Variants in SYTL2 observed in about 807,000 individuals in gnomAD.
The protein encoded by SYTL2 is synaptotagmin-like protein 2.
SYTL2 carries 165 observed loss-of-function variants against 198.7 expected under a neutral mutation model. The ratio of observed to expected loss-of-function variants is 0.83; its 90% CI spans 0.73 to 0.94. SYTL2 has a LOEUF of 0.94. Ranked by LOEUF, SYTL2 falls within the 40% of genes least tolerant of loss-of-function variation. The probability of loss-of-function intolerance (pLI) is 0.00; values close to 1 mark genes in which losing one functional copy is unlikely to be tolerated. For synonymous variants in SYTL2, 966 were observed against 917.7 expected, an observed-to-expected ratio of 1.05 and a Z score of -0.95; for missense variants, 2,835 against 2,582.8, an observed-to-expected ratio of 1.10 and a Z score of -2.12.
In SYTL2 at chr11:85,695,139, A is replaced by G. The variant is rs1223588898; in HGVS notation, c.*56T>C. 1 of 1,544,544 alleles carries G rather than the reference A, an allele frequency of 6.5e-7. No homozygotes were observed. The highest frequency in any genetic ancestry group is 8.8e-7 in the Non-Finnish European group (1 of 1,138,156). ...ATTTGTCCACCTACTCAGATTTTCAAGATCAGATTCCACCGGTTTAGTAGT... is the reference window on the plus strand; with the variant it reads ...ATTTGTCCACCTACTCAGATTTTCAGGATCAGATTCCACCGGTTTAGTAGT... On this transcript the variant is annotated 3_prime_UTR_variant, in exon 20 of 20. Coordinates refer to ENST00000359152, the MANE Select transcript of SYTL2 (RefSeq NM_206927.4).
chr11:85,826,841 C>A, the SYTL2 span, among the ~76,000 whole-genome samples: 1 of 152,222 alleles, frequency 6.6e-6, no homozygotes, highest in Non-Finnish European at 1.5e-5. Context: ...AAGGTCTTCT[C>A]TCCTGCTGAC....
At chr11:85,702,052 A>G (rs2153382046) in intron 16 of SYTL2, among the ~76,000 whole-genome samples, 1 of 152,270 alleles carries the variant, frequency 6.6e-6, no homozygotes, top group South Asian at 2.1e-4. Context: ...TCAAGAAGGA[A>G]TGGCACTGGA....
In SYTL2 at chr11:85,765,914, C is replaced by T. The variant is rs375206300; in HGVS notation, c.-389-7800G>A. On this transcript the variant is annotated intron_variant, in intron 1 of 19. Coordinates refer to ENST00000359152, the MANE Select transcript of SYTL2 (RefSeq NM_206927.4). Reference sequence around the variant, plus strand: ...ATATGTTAACCAAGCCCCAACCAAGCGCAAGATAATGGGCTATGTGAGGAG... The same window carrying T: ...ATATGTTAACCAAGCCCCAACCAAGTGCAAGATAATGGGCTATGTGAGGAG... Among the ~76,000 whole-genome samples, 167 of 152,226 alleles carry T rather than the reference C, an allele frequency of 1.1e-3. 1 individual carries two copies. The highest frequency in any genetic ancestry group is 0.011 in the South Asian group (51 of 4,820).
At chr11:85,809,481 T>A (rs1314949467) in intron 1 of SYTL2, among the ~76,000 whole-genome samples, 1 of 152,194 alleles carries the variant, frequency 6.6e-6, no homozygotes, top group African/African-American at 2.4e-5. Context: ...AACACAATGT[T>A]AGACATTTTT....
At chr11:85,705,105 ATTCATCTG>A in intron 15 of SYTL2, 77 bp from the exon 16 acceptor site, 1 of 1,139,866 alleles carries the variant, frequency 8.8e-7, no homozygotes, top group Non-Finnish European at 1.3e-6. Flanking sequence ...ATGAAGAGAA[ATTCATCTG>A]TATATAGCAA....
chr11:85,841,044 C>T, the SYTL2 span, among the ~76,000 whole-genome samples: 1 of 152,040 alleles, frequency 6.6e-6, no homozygotes, highest in Non-Finnish European at 1.5e-5. Flanking sequence ...AGACACTTCT[C>T]AAAAGAAGAC....
At chr11:85,851,203 A>G in the SYTL2 span, among the ~76,000 whole-genome samples, 3 of 152,208 alleles carry the variant, frequency 2.0e-5, no homozygotes, top group African/African-American at 4.8e-5. Flanking sequence ...ATTTTAGTTC[A>G]TGATTATTTA....
chr11:85,764,782 G>C (rs1474244947), intron 1 of SYTL2, among the ~76,000 whole-genome samples: 1 of 152,072 alleles, frequency 6.6e-6, no homozygotes, highest in Non-Finnish European at 1.5e-5. Context: ...AGATAGAGGG[G>C]AAAAAAGGCA....
intron 1 of SYTL2, among the ~76,000 whole-genome samples, chr11:85,764,060 C>T (rs2092172162): frequency 6.6e-6 from 1 of 152,256 alleles, no homozygotes; most frequent in African/African-American, 2.4e-5. Context: ...GGCTGCTCCG[C>T]TTCTCAGGCT....
At chr11:85,843,973 T>C in the SYTL2 span, among the ~76,000 whole-genome samples, 1 of 152,198 alleles carries the variant, frequency 6.6e-6, no homozygotes, top group African/African-American at 2.4e-5. Context: ...ACAGAAAGTA[T>C]ATCTCTCAGT....
intron 1 of SYTL2, among the ~76,000 whole-genome samples, chr11:85,793,313 T>C (rs1370225840): frequency 6.6e-6 from 1 of 152,164 alleles, no homozygotes; most frequent in African/African-American, 2.4e-5. Flanking sequence ...TTTTTAATGA[T>C]TGCCATTCTA....
chr11:85,796,327 A>T (rs1196850030), intron 1 of SYTL2, among the ~76,000 whole-genome samples: 2 of 152,362 alleles, frequency 1.3e-5, no homozygotes, highest in South Asian at 2.1e-4. Context: ...TATCTGACAC[A>T]CCATAGAAAC....
chr11:85,720,980 T>G, intron 8 of SYTL2, 21 bp from the exon 9 acceptor site: 1 of 1,484,794 alleles, frequency 6.7e-7, no homozygotes, highest in Non-Finnish European at 9.4e-7. Context: ...ACAAAATCGA[T>G]GAACACTGCA....
intron 1 of SYTL2, among the ~76,000 whole-genome samples, chr11:85,768,240 A>G (rs2092285881): frequency 1.3e-5 from 2 of 152,212 alleles, no homozygotes; most frequent in Admixed American, 1.3e-4. Flanking sequence ...CTCTAAAGAG[A>G]CACTGATTTT....
intron 4 of SYTL2, among the ~76,000 whole-genome samples, chr11:85,744,755 A>C (rs532553797): frequency 6.6e-6 from 1 of 152,338 alleles, no homozygotes; most frequent in African/African-American, 2.4e-5. Context: ...CTCTGAATTG[A>C]ACTAACTTAA....
At chr11:85,793,027 A>G (rs1031834061) in intron 1 of SYTL2, among the ~76,000 whole-genome samples, 2 of 151,958 alleles carry the variant, frequency 1.3e-5, no homozygotes, top group African/African-American at 4.8e-5. Context: ...CCAGTCTATC[A>G]TTGTTGAACA....
Position 85,724,946 on chromosome 11 carries a change from T to C in SYTL2, c.4412A>G (p.Tyr1471Cys), listed in dbSNP as rs1479733965. 3 of 1,613,884 alleles carry C rather than the reference T, an allele frequency of 1.9e-6. No individual in the cohort carries two copies. Among genetic ancestry groups the C allele is most frequent in the African/African-American group, 1.3e-5 (1 of 74,904 alleles). Reference protein sequence around the residue: ...LSSFASIVAQYGKGLPQEVEE... With the variant: ...LSSFASIVAQCGKGLPQEVEE... ...CACTTCCTGAGGGAGGCCTTTGCCA[T>C]ATTGAGCAACAATGGAAGCAAATGA... The change falls in exon 8 of 20, where the codon TAT becomes TGT. Residue 1471 changes from tyrosine (Y) to cysteine (C), a missense_variant. Tyr to Cys is a radical substitution (Grantham distance 194, BLOSUM62 -2). Around this residue, in one of 3 missense-constraint regions of SYTL2, gnomAD observed 2,645 missense variants for 2,381.7 expected, o/e 1.11. Transcript: ENST00000359152.
rs1007544688 is a variant in SYTL2, at chr11:85,748,285, C to T, written c.240G>A (p.Arg80=). The T allele has an allele frequency of 6.2e-7, 1 of 1,613,280 alleles. No individual in the cohort carries two copies. The part of the protein sequence containing the change: ...DIIRASMRKK[R]PQIAAEQSKD... ...AAGTCAACTCACCTGCTATCTGGGG[C>T]CTCTTCTTTCTCATAGATGCTCTGA... is the stretch of plus-strand genomic sequence containing the variant. Residue 80 remains arginine, a synonymous_variant, in exon 3 of 20, where the codon AGG becomes AGA. Transcript: ENST00000359152.
intron 5 of SYTL2, 38 bp from the exon 6 acceptor site, chr11:85,736,653 G>A: frequency 1.8e-6 from 2 of 1,131,736 alleles, no homozygotes; most frequent in Middle Eastern, 1.9e-4. Context: ...TATTTTAAAT[G>A]TCATGACAGC....
Sources: gnomAD v4.1 joint callset for allele counts (sites outside exome capture counted in the v4.1 genomes callset) on GRCh38, gnomAD v4.1.1 for gene constraint, gnomAD v4.1.1 regional missense constraint, MANE v1.5 for transcripts, NCBI Gene and HGNC (gene_info 2026-07-23, HGNC 2026-07-21) for gene names.